Variants in KCNK9 observed in about 807,000 individuals in gnomAD.
The protein encoded by KCNK9 is potassium two pore domain channel subfamily K member 9, also known as potassium channel subfamily K member 9.
A neutral mutation model predicts 10.8 loss-of-function variants in KCNK9; 1 was observed. That is an observed-to-expected ratio of 0.09 (90% CI 0.03 to 0.44). KCNK9 has a LOEUF of 0.44. Among genes scored for constraint, KCNK9 ranks in the 20% least tolerant of loss-of-function variants. The pLI is 0.97. For missense variants in KCNK9, 303 were observed against 515.0 expected, an observed-to-expected ratio of 0.59 and a Z score of 3.98; for synonymous variants, 231 against 222.7, an observed-to-expected ratio of 1.04 and a Z score of -0.33.
rs74388348 is a variant in KCNK9 at position 139,689,211 on chromosome 8, C to T, written c.283+13499G>A. Among the ~76,000 whole-genome samples, 1,314 of 152,302 alleles carry T rather than the reference C, an allele frequency of 8.6e-3. 22 individuals are homozygous for T. The highest frequency in any genetic ancestry group is 0.03 in the African/African-American group (1,249 of 41,556). On this transcript the variant is annotated intron_variant, in intron 1 of 1. Transcript: ENST00000520439. ...AGAACTGTGAGAAAAAAAGTATTTT[C>T]TGCTGCTTAAGTCACCCTGTCTTAC...
intron 1 of KCNK9, among the ~76,000 whole-genome samples, chr8:139,642,239 T>G (rs2129647920): frequency 6.6e-6 from 1 of 151,498 alleles, no homozygotes; most frequent in African/African-American, 2.4e-5. Flanking sequence ...AAGAGCAGCC[T>G]GTGCGAATGT....
intron 1 of KCNK9, among the ~76,000 whole-genome samples, chr8:139,669,941 A>C (rs779626438): frequency 3.9e-5 from 6 of 152,228 alleles, no homozygotes; most frequent in Admixed American, 6.5e-5. Context: ...AAACCTCATT[A>C]ATCTCTTTGT....
chr8:139,645,174 A>G (rs1815637175), intron 1 of KCNK9, among the ~76,000 whole-genome samples: 3 of 152,192 alleles, frequency 2.0e-5, no homozygotes, highest in African/African-American at 4.8e-5. Context: ...AGAGTGGAGC[A>G]CTGGGAGGCA....
chr8:139,650,605 C>T (rs1344895995), intron 1 of KCNK9, among the ~76,000 whole-genome samples: 2 of 152,154 alleles, frequency 1.3e-5, no homozygotes, highest in African/African-American at 4.8e-5. Context: ...GGACCATATC[C>T]CCTCTCCACT....
At chr8:139,620,454 A>C (rs1201192758) in intron 1 of KCNK9, among the ~76,000 whole-genome samples, 1 of 152,132 alleles carries the variant, frequency 6.6e-6, no homozygotes, top group African/African-American at 2.4e-5. Flanking sequence ...GAGATCAGAC[A>C]GCTCCGAGCC....
intron 1 of KCNK9, among the ~76,000 whole-genome samples, chr8:139,622,968 ACTACAGCGCAC>A (rs1265788350): frequency 6.6e-6 from 1 of 152,154 alleles, no homozygotes; most frequent in Non-Finnish European, 1.5e-5. Context: ...GGCACATATA[ACTACAGCGCAC>A]CCATATTCAC....
intron 1 of KCNK9, among the ~76,000 whole-genome samples, chr8:139,642,261 C>T (rs373394748): frequency 4.6e-5 from 7 of 152,080 alleles, no homozygotes; most frequent in East Asian, 3.9e-4. Flanking sequence ...GTGGCTCCTT[C>T]GAAGACAACT....
At chr8:139,651,269 C>T (rs1041958029) in intron 1 of KCNK9, among the ~76,000 whole-genome samples, 5 of 152,230 alleles carry the variant, frequency 3.3e-5, no homozygotes, top group African/African-American at 1.2e-4. Flanking sequence ...GTGTCCCATG[C>T]AGCACTGCTC....
intron 1 of KCNK9, among the ~76,000 whole-genome samples, chr8:139,642,488 C>T (rs28614138): frequency 6.6e-6 from 1 of 152,238 alleles, no homozygotes; most frequent in Non-Finnish European, 1.5e-5. Context: ...TCCCACACAT[C>T]CTGCTTCTGC....
At chr8:139,674,730 C>T (rs1287792925) in intron 1 of KCNK9, among the ~76,000 whole-genome samples, 1 of 152,186 alleles carries the variant, frequency 6.6e-6, no homozygotes, top group Non-Finnish European at 1.5e-5. Context: ...TGTGACAGGG[C>T]CCAGGCTGTC....
intron 1 of KCNK9, among the ~76,000 whole-genome samples, chr8:139,700,518 GCGCACACACACACACACACACGCGCGCA>G (rs1563757362): frequency 4.6e-4 from 62 of 135,658 alleles, no homozygotes; most frequent in African/African-American, 1.9e-3. Flanking sequence ...ACGCGCGCGC[GCGCACACACACACACACACACGCGCGCA>G]CACACACACA....
At chr8:139,701,889 G>T (rs1817228456) in intron 1 of KCNK9, among the ~76,000 whole-genome samples, 1 of 152,204 alleles carries the variant, frequency 6.6e-6, no homozygotes, top group African/African-American at 2.4e-5. Context: ...AGTGGGGCTG[G>T]CGGGCATCCC....
chr8:139,692,002 G>A (rs7815701), intron 1 of KCNK9, among the ~76,000 whole-genome samples: 55,910 of 152,152 alleles, frequency 0.37, 12,028 homozygotes, highest in Non-Finnish European at 0.48. Context: ...GCTGGCACAC[G>A]CCTTTGACTT....
chr8:139,608,568 C>T (rs145965695), downstream of KCNK9, among the ~76,000 whole-genome samples: 145 of 144,848 alleles, frequency 1.0e-3, 3 homozygotes, highest in East Asian at 0.031. Flanking sequence ...AGCAGAGGCT[C>T]TTGCACCCCC....
At position 139,642,808 on chromosome 8, in the gene KCNK9, G is replaced by T. The variant is rs190273041; in HGVS notation, c.284-23709C>A. Among the ~76,000 whole-genome samples, 3 of 152,358 alleles carry T rather than the reference G, an allele frequency of 2.0e-5. No individual in the cohort carries two copies. In the East Asian group the frequency reaches 5.8e-4, roughly 29 times the overall value. On this transcript the variant is annotated intron_variant, in intron 1 of 1. Coordinates refer to ENST00000520439, the MANE Select transcript of KCNK9 (RefSeq NM_001282534.2). ...CATCTAAAGCAAATTCTGGAAGAGG[G>T]GATGCCAGGGAGAGTGGCGGCCCCC...
chr8:139,677,212 G>T (rs1420868450), intron 1 of KCNK9, among the ~76,000 whole-genome samples: 1 of 152,228 alleles, frequency 6.6e-6, no homozygotes, highest in Middle Eastern at 3.4e-3. Flanking sequence ...TGGTGTAGCG[G>T]CTGCACCTGT....
At chr8:139,686,078 G>A (rs572079619) in intron 1 of KCNK9, among the ~76,000 whole-genome samples, 15 of 152,274 alleles carry the variant, frequency 9.9e-5, no homozygotes, top group African/African-American at 1.9e-4. Flanking sequence ...AGCTGAAACT[G>A]GATCCCTTCC....
At chr8:139,602,344 A>G (rs1301684441) in intron 2 of KCNK9, among the ~76,000 whole-genome samples, 1 of 150,938 alleles carries the variant, frequency 6.6e-6, no homozygotes, top group Non-Finnish European at 1.5e-5. Flanking sequence ...TTGCTCAGGA[A>G]CCCCCTAGGT....
At chr8:139,698,452 G>T (rs762916760) in intron 1 of KCNK9, among the ~76,000 whole-genome samples, 1 of 152,208 alleles carries the variant, frequency 6.6e-6, no homozygotes, top group African/African-American at 2.4e-5. Flanking sequence ...GAGAGGAAAG[G>T]CTGGGAAGAC....
Sources: allele counts gnomAD v4.1 joint callset (sites outside exome capture counted in the v4.1 genomes callset), GRCh38; gene constraint gnomAD v4.1.1; transcripts MANE v1.5; gene names NCBI Gene and HGNC (gene_info 2026-07-23, HGNC 2026-07-21).